PTCHD4: variants seen among roughly 807,000 people sequenced by gnomAD.
The protein encoded by PTCHD4 is patched domain containing 4, also known as patched domain-containing protein 4.
PTCHD4 carries 33 observed loss-of-function variants against 58.1 expected under a neutral mutation model. That is an observed-to-expected ratio of 0.57 (90% CI 0.43 to 0.76). The LOEUF (loss-of-function observed/expected upper bound fraction) is 0.76, where lower values mean the gene tolerates loss of function less well. Ranked by LOEUF, PTCHD4 falls within the 30% of genes least tolerant of loss-of-function variation. The pLI is 0.00. For missense variants in PTCHD4, 1,058 were observed against 1,027.1 expected (o/e 1.03, Z -0.41); for synonymous variants, 478 against 409.6 (o/e 1.17, Z -2.02).
rs560221561 is a variant in PTCHD4 at position 48,012,161 on chromosome 6, C to T, written c.418-3047G>A. Among the ~76,000 whole-genome samples the T allele has an allele frequency of 4.6e-5, 7 of 152,278 alleles. No homozygotes were observed. In the South Asian group the frequency reaches 1.0e-3, roughly 23 times the overall value. ...CATTGAATCTATAAATTACTTTGGG[C>T]AGTTTGGCCATTTTCACAATATTGA... On this transcript the variant is annotated intron_variant, in intron 3 of 4. Coordinates refer to ENST00000339488, the MANE Select transcript of PTCHD4 (RefSeq NM_001384253.1).
chr6:48,064,547 T>A (rs1332881962), intron 3 of PTCHD4, among the ~76,000 whole-genome samples: 1 of 152,140 alleles, frequency 6.6e-6, no homozygotes, highest in Admixed American at 6.5e-5. Context: ...ATGTGTATAT[T>A]TTAATAGTTG....
At chr6:47,901,689 TA>T in intron 4 of PTCHD4, 3 of 1,161,898 alleles carry the variant, frequency 2.6e-6, no homozygotes, top group Non-Finnish European at 2.2e-6. Flanking sequence ...GGAGGATACT[TA>T]ACCTCCAAAA....
rs1763788511 is a variant in PTCHD4, at chr6:47,874,168, C to G, written c.*4135G>C. ...TATACTAGGCCCTTTGCCTGGAAGC[C>G]AGATTTCACTTCTGAGATTTTCCGA... On this transcript the variant is annotated 3_prime_UTR_variant, in exon 5 of 5. Transcript: ENST00000339488. Among the ~76,000 whole-genome samples the G allele has an allele frequency of 6.6e-6, 1 of 151,648 alleles. No homozygotes were observed. Among genetic ancestry groups the G allele is most frequent in the Admixed American group, 6.6e-5 (1 of 15,180 alleles).
rs1404744457 is a variant in PTCHD4 at position 47,858,729 on chromosome 6, A to G, written c.*19574T>C. On this transcript the variant is annotated 3_prime_UTR_variant, in exon 5 of 5. Transcript: ENST00000339488. ...TTTCTGTGGGTGGAATAAATAATAAACCTGCTGATGTTAAGAAAACTAAAA... is the reference window on the plus strand; with the variant it reads ...TTTCTGTGGGTGGAATAAATAATAAGCCTGCTGATGTTAAGAAAACTAAAA... Among the ~76,000 whole-genome samples, 3 of 152,144 alleles carry G rather than the reference A, an allele frequency of 2.0e-5. No individual in the cohort carries two copies. The East Asian group carries it at 5.8e-4, about 29-fold the overall frequency.
intron 3 of PTCHD4, among the ~76,000 whole-genome samples, chr6:48,030,872 T>G (rs2114131731): frequency 6.6e-6 from 1 of 152,230 alleles, no homozygotes; most frequent in Non-Finnish European, 1.5e-5. Context: ...TATCCCTAAT[T>G]AAATGGCTGA....
rs1452527842 is a variant in PTCHD4, at chr6:47,870,528, T to G, written c.*7775A>C. ...GTTTTGCAAAATGTTTTTTCACTGA[T>G]CAACATAGAGGTAAATTTTGATAAT... On this transcript the variant is annotated 3_prime_UTR_variant, in exon 5 of 5. Coordinates refer to ENST00000339488, the MANE Select transcript of PTCHD4 (RefSeq NM_001384253.1). Among the ~76,000 whole-genome samples the G allele has an allele frequency of 6.6e-6, 1 of 151,674 alleles. No homozygotes were observed. Among genetic ancestry groups the G allele is most frequent in the Non-Finnish European group, 1.5e-5 (1 of 67,746 alleles).
chr6:47,973,896 C>A (rs1767601697), intron 4 of PTCHD4, among the ~76,000 whole-genome samples: 1 of 152,158 alleles, frequency 6.6e-6, no homozygotes, highest in African/African-American at 2.4e-5. Context: ...CATATACCAT[C>A]CTTTTAAAAA....
chr6:47,897,964 T>TG (rs1764577777), intron 4 of PTCHD4, among the ~76,000 whole-genome samples: 1 of 112,984 alleles, frequency 8.9e-6, no homozygotes, highest in Non-Finnish European at 1.9e-5. Context: ...TTTTTTTTTT[T>TG]GAGACAGAGT....
chr6:47,982,807 C>A (rs1581970266), intron 4 of PTCHD4, among the ~76,000 whole-genome samples: 2 of 152,060 alleles, frequency 1.3e-5, no homozygotes, highest in South Asian at 4.1e-4. Flanking sequence ...TCTCTTTAGC[C>A]CCTCTACCTA....
chr6:48,095,555 C>CG (rs992655260), intron 1 of PTCHD4, among the ~76,000 whole-genome samples: 1 of 151,638 alleles, frequency 6.6e-6, no homozygotes, highest in Non-Finnish European at 1.5e-5. Flanking sequence ...TGTGGCGTGG[C>CG]GGGGGGTGAC....
chr6:48,057,370 G>T (rs925653234), intron 3 of PTCHD4, among the ~76,000 whole-genome samples: 1 of 152,054 alleles, frequency 6.6e-6, no homozygotes, highest in African/African-American at 2.4e-5. Context: ...TCAAGGACTT[G>T]CCCTGCAGAT....
At chr6:47,954,917 G>A (rs993724576) in intron 4 of PTCHD4, among the ~76,000 whole-genome samples, 3 of 152,086 alleles carry the variant, frequency 2.0e-5, no homozygotes, top group South Asian at 2.1e-4. Flanking sequence ...GCTTGCTCTC[G>A]GACCAGCCAC....
intron 1 of PTCHD4, among the ~76,000 whole-genome samples, chr6:48,080,160 C>T (rs888741401): frequency 6.6e-6 from 1 of 151,902 alleles, no homozygotes; most frequent in African/African-American, 2.4e-5. Context: ...ATAAAAAACT[C>T]AGACTATGTT....
At position 47,879,484 on chromosome 6, in the gene PTCHD4, A is replaced by C; in HGVS notation, c.1351T>G (p.Tyr451Asp). The C allele has an allele frequency of 6.2e-7, 1 of 1,613,684 alleles. No homozygotes were observed. The highest frequency in any genetic ancestry group is 8.5e-7 in the Non-Finnish European group (1 of 1,179,732). Reference protein sequence around the residue: ...HFIQHFLREHYNEWITNIYVK... With the variant: ...HFIQHFLREHDNEWITNIYVK... The stretch of plus-strand genomic sequence containing the variant: ...TATATATTGGTAATCCATTCATTAT[A>C]ATGTTCACGGAGGAAGTGCTGAATG... Residue 451 changes from tyrosine (Y) to aspartate (D), a missense_variant, in exon 5 of 5, where the codon TAT becomes GAT. Transcript: ENST00000339488.
Position 47,958,383 on chromosome 6 carries a change from G to A in PTCHD4, c.898+50251C>T, listed in dbSNP as rs1766952455. Among the ~76,000 whole-genome samples the A allele has an allele frequency of 2.6e-5, 4 of 152,088 alleles. No homozygotes were observed. In the South Asian group the frequency reaches 8.3e-4, roughly 32 times the overall value. On this transcript the variant is annotated intron_variant, in intron 4 of 4. Coordinates refer to ENST00000339488, the MANE Select transcript of PTCHD4 (RefSeq NM_001384253.1). ...ACCACACCTAAAACAACCAAGAACT[G>A]GATAAACTATATGAAATAGTGTTTT...
chr6:47,992,276 T>TAC (rs112864747), intron 4 of PTCHD4, among the ~76,000 whole-genome samples: 49 of 152,168 alleles, frequency 3.2e-4, no homozygotes, highest in African/African-American at 9.9e-4. Context: ...TGTATATATA[T>TAC]ACACACACAC....
chr6:48,062,393 TATC>T (rs1382559543), intron 3 of PTCHD4, among the ~76,000 whole-genome samples: 1 of 151,998 alleles, frequency 6.6e-6, no homozygotes, highest in Non-Finnish European at 1.5e-5. Flanking sequence ...TAAAGGAAAC[TATC>T]ATCAGATAAG....
intron 4 of PTCHD4, among the ~76,000 whole-genome samples, chr6:47,972,218 A>G (rs1413035132): frequency 1.3e-5 from 2 of 152,158 alleles, no homozygotes; most frequent in Admixed American, 6.6e-5. Flanking sequence ...TGCTAAATCA[A>G]TCACAAAACA....
rs142576499 is a variant in PTCHD4, at chr6:48,084,292, CAT to C, written c.-969-14368_-969-14367del. On this transcript the variant is annotated intron_variant, in intron 1 of 4. Transcript: ENST00000339488. ...ACTTCTCTTGATATTTGACTTTTAA[CAT>C]GTGATTACATTTCAGATTAATCACT... Among the ~76,000 whole-genome samples, 270 of 152,320 alleles carry C rather than the reference CAT, an allele frequency of 1.8e-3. 1 individual carries two copies. The highest frequency in any genetic ancestry group is 6.1e-3 in the African/African-American group (254 of 41,572).
Sources: allele counts gnomAD v4.1 joint callset (sites outside exome capture counted in the v4.1 genomes callset), GRCh38; gene constraint gnomAD v4.1.1; transcripts MANE v1.5; gene names NCBI Gene and HGNC (gene_info 2026-07-23, HGNC 2026-07-21).